PLIN4: variants seen among roughly 807,000 people sequenced by gnomAD.
PLIN4 encodes perilipin 4, also known as perilipin-4.
In PLIN4, 57 loss-of-function variants were observed where a neutral mutation model predicts 52.4. The ratio of observed to expected loss-of-function variants is 1.09; its 90% confidence interval spans 0.88 to 1.36. The LOEUF (loss-of-function observed/expected upper bound fraction) is 1.36, where lower values mean the gene tolerates loss of function less well. PLIN4 is among the 40% of genes most tolerant of loss of function. PLIN4 has a pLI of 0.00. For missense variants in PLIN4, 1,757 were observed against 1,770.3 expected (o/e 0.99, Z 0.13); for synonymous variants, 826 against 785.4 (o/e 1.05, Z -0.86).
Position 4,510,921 on chromosome 19 carries a change from CT to C in PLIN4, c.3038del (p.Gln1013ArgfsTer11), listed in dbSNP as rs757945762. ...CTGTCTTGGTGGTGTCCAGGCCCCCCTGGACGGCCCCTTTGGCCATGCTCAT... is the reference window on the plus strand; with the variant it reads ...CTGTCTTGGTGGTGTCCAGGCCCCCCGGACGGCCCCTTTGGCCATGCTCAT... ...GAMSMAKGAV[Q>X]GGLDTTKTVL... is the part of the protein sequence containing the mutation. On this transcript the variant is annotated frameshift_variant, in exon 5 of 8. Transcript: ENST00000301286. LOFTEE classifies it high-confidence loss of function. 6.8e-6 allele frequency: 11 copies of C among 1,613,546 alleles called. No homozygotes were observed. Among genetic ancestry groups the C allele is most frequent in the African/African-American group, 6.7e-5 (5 of 74,942 alleles).
At chr19:4,509,581 G>A (rs999156640) in intron 5 of PLIN4, among the ~76,000 whole-genome samples, 2 of 152,060 alleles carry the variant, frequency 1.3e-5, no homozygotes, top group Non-Finnish European at 2.9e-5. Context: ...TGCTGACACT[G>A]CCACTGGACT....
chr19:4,513,802 ACTG>A, intron 4 of PLIN4, 101 bp from the exon 5 acceptor site: 1 of 1,397,188 alleles, frequency 7.2e-7, no homozygotes, highest in African/African-American at 1.4e-5. Context: ...GGGGCAAGGA[ACTG>A]CAGGCACCCA....
At chr19:4,508,993 C>T in intron 5 of PLIN4, 38 bp from the exon 6 acceptor site, 1 of 1,573,616 alleles carries the variant, frequency 6.4e-7, no homozygotes, top group Non-Finnish European at 8.6e-7. Context: ...CCGGAAGCCC[C>T]TCAGGGCATC....
rs757300427 is a variant in PLIN4, at chr19:4,518,319, G to A, written c.-17-30C>T. ...AAGGGGGCAGAGAAGGTGCGTGAAT[G>A]GGGGTTCCCTAGCCTCCCATCCCAC... On this transcript the variant is annotated intron_variant, in intron 1 of 7. Transcript: ENST00000301286. The A allele has an allele frequency of 1.7e-3, 2,098 of 1,232,556 alleles. 3 individuals carry two copies. The highest frequency in any genetic ancestry group is 2.0e-3 in the Non-Finnish European group (2,015 of 988,372). The allele number at this position is 1,232,556 out of a possible 1,614,324, so 76.4% of individuals were successfully genotyped here.
chr19:4,517,845 A>G (rs1976631760), intron 2 of PLIN4, 147 bp from the exon 3 acceptor site: 1 of 1,057,484 alleles, frequency 9.5e-7, no homozygotes, highest in Non-Finnish European at 1.3e-6. Flanking sequence ...CTCAGCCTCA[A>G]TTTCCACACC....
At chr19:4,505,710 G>A (rs537471899) in intron 6 of PLIN4, among the ~76,000 whole-genome samples, 122 of 152,228 alleles carry the variant, frequency 8.0e-4, no homozygotes, top group South Asian at 2.7e-3. Flanking sequence ...GCGGCACGCC[G>A]TCAAAATATC....
rs757997921 is a variant in PLIN4 at position 4,516,604 on chromosome 19, C to T, written c.258+13G>A. 2 of 1,599,790 alleles carry T rather than the reference C, an allele frequency of 1.3e-6. No homozygotes were observed. The highest frequency in any genetic ancestry group is 1.7e-6 in the Non-Finnish European group (2 of 1,173,362). On this transcript the variant is annotated intron_variant, in intron 4 of 7. Coordinates refer to ENST00000301286, the MANE Select transcript of PLIN4 (RefSeq NM_001367868.2). The stretch of plus-strand genomic sequence containing the variant: ...TCCTGCCACATCAGACCCTGCCCTG[C>T]ACATCCTCTCACCTTTTCCGAAGGT...
chr19:4,511,615 T>C lies in PLIN4; in HGVS notation c.2345A>G (p.Gln782Arg), dbSNP rs1225400800. 2 of 1,179,994 alleles carry C rather than the reference T, an allele frequency of 1.7e-6. No individual in the cohort carries two copies. The highest frequency in any genetic ancestry group is 4.4e-5 in the Admixed American group (2 of 45,218). The allele number at this position is 1,179,994 out of a possible 1,614,324, so 73.1% of individuals were successfully genotyped here. Reference sequence around the variant, plus strand: ...AGTCTTGGTGGTGTCCATGCCGGTCTGGACAGTCCCTTTGGCCAACTTCAC... The same window carrying C: ...AGTCTTGGTGGTGTCCATGCCGGTCCGGACAGTCCCTTTGGCCAACTTCAC... ...GAVKLAKGTVQTGMDTTKTVL... is the reference protein window; with the variant it reads ...GAVKLAKGTVRTGMDTTKTVL... The change falls in exon 5 of 8, where the codon CAG (glutamine) becomes CGG (arginine). Residue 782 changes from glutamine to arginine, a missense_variant. By Grantham distance (43) the Gln-to-Arg change is conservative. Around this residue, in one of 7 missense-constraint regions of PLIN4, gnomAD observed 96 missense variants for 136.5 expected, o/e 0.70. Coordinates refer to ENST00000301286, the MANE Select transcript of PLIN4 (RefSeq NM_001367868.2).
chr19:4,509,316 A>AAAAAAAAAAAAAAAAACAAACAAACAAAC (rs764523711), intron 5 of PLIN4, among the ~76,000 whole-genome samples: 1 of 111,810 alleles, frequency 8.9e-6, no homozygotes, highest in African/African-American at 3.1e-5. Context: ...GTCTCAAAAA[A>AAAAAAAAAAAAAAAAACAAACAAACAAAC]AAAAAAAAAG....
intron 6 of PLIN4, among the ~76,000 whole-genome samples, chr19:4,507,502 G>A (rs985613062): frequency 6.6e-6 from 1 of 152,152 alleles, no homozygotes; most frequent in Non-Finnish European, 1.5e-5. Flanking sequence ...GGGCAACATA[G>A]CAAAATCTAA....
At chr19:4,518,335 C>T in intron 1 of PLIN4, 46 bp from the exon 2 acceptor site, 2 of 1,231,990 alleles carry the variant, frequency 1.6e-6, no homozygotes, top group Non-Finnish European at 2.0e-6. Flanking sequence ...TCCCTAGCCT[C>T]CCATCCCACA....
rs771364690 is a variant in PLIN4 at position 4,511,252 on chromosome 19, G to C, written c.2708C>G (p.Thr903Arg). Reference protein sequence around the residue: ...GTKDAVSTGLTGAVNLAKGTV... With the variant: ...GTKDAVSTGLRGAVNLAKGTV... ...CCCTTTGGCCAAGTTCACAGCCCCT[G>C]TGAGCCCAGTGGACACGGCATCTTT... The change falls in exon 5 of 8, where the codon ACA (threonine) becomes AGA (arginine). Residue 903 changes from threonine to arginine, a missense_variant. This residue lies in a region of PLIN4 where 712 missense variants were observed against 637.1 expected (regional missense o/e 1.12). Coordinates refer to ENST00000301286, the MANE Select transcript of PLIN4 (RefSeq NM_001367868.2). The C allele has an allele frequency of 1.1e-5, 17 of 1,610,784 alleles. No homozygotes were observed. The highest frequency in any genetic ancestry group is 1.4e-5 in the Non-Finnish European group (16 of 1,178,084).
In PLIN4 at chr19:4,508,759, A is replaced by G. The variant is rs780308280; in HGVS notation, c.3702+9T>C. On this transcript the variant is annotated intron_variant, in intron 6 of 7. Transcript: ENST00000301286. The stretch of plus-strand genomic sequence containing the variant: ...TGGGGACGGGGCAGCAGCAGGGGGA[A>G]GCTCTTACCAGCCTGAAGCAGTCCT... 1.3e-6 allele frequency: 2 copies of G among 1,569,320 alleles called. No homozygotes were observed. Among genetic ancestry groups the G allele is most frequent in the Non-Finnish European group, 1.7e-6 (2 of 1,157,854 alleles).
At position 4,511,325 on chromosome 19, in the gene PLIN4, C is replaced by T. The variant is rs1976319379; in HGVS notation, c.2635G>A (p.Ala879Thr). The T allele has an allele frequency of 6.2e-7, 1 of 1,606,916 alleles. No homozygotes were observed. The highest frequency in any genetic ancestry group is 8.5e-7 in the Non-Finnish European group (1 of 1,176,538). The change falls in exon 5 of 8, where the codon GCC becomes ACC. Residue 879 changes from alanine to threonine, a missense_variant. Transcript: ENST00000301286. Reference sequence around the variant, plus strand: ...GTAGTGTCCAGGCCCCCCTGGACGGCCCCTTTGGCCACTTTCGCAGCACCG... The same window carrying T: ...GTAGTGTCCAGGCCCCCCTGGACGGTCCCTTTGGCCACTTTCGCAGCACCG... ...VTGAAKVAKG[A>T]VQGGLDTTKS...
rs1483739538 is a variant in PLIN4, at chr19:4,511,309, A to G, written c.2651T>C (p.Leu884Pro). 6.2e-7 allele frequency: 1 copy of G among 1,610,586 alleles called. No individual in the cohort carries two copies. Among genetic ancestry groups the G allele is most frequent in the African/African-American group, 1.3e-5 (1 of 74,180 alleles). ...KVAKGAVQGG[L>P]DTTKSVLTGT... is the part of the protein sequence containing the mutation. ...AGTCAGGACAGACTTTGTAGTGTCC[A>G]GGCCCCCCTGGACGGCCCCTTTGGC... Residue 884 changes from leucine to proline, a missense_variant, in exon 5 of 8, where the codon CTG (leucine) becomes CCG (proline). Physicochemically the swap from Leu to Pro is moderately conservative, Grantham distance 98. Transcript: ENST00000301286.
In PLIN4 at chr19:4,504,216, C is replaced by T. The variant is rs1006114526; in HGVS notation, c.*243G>A. On this transcript the variant is annotated 3_prime_UTR_variant, in exon 8 of 8. Transcript: ENST00000301286. The stretch of plus-strand genomic sequence containing the variant: ...TGGTGGTCTGAGTGACCCCAGGCTC[C>T]GAGAGGGGCAGGCAGCGCTGGGGAG... 1.1e-4 allele frequency: 48 copies of T among 446,280 alleles called. No homozygotes were observed. Among genetic ancestry groups the T allele is most frequent in the South Asian group, 3.4e-4 (6 of 17,472 alleles). 27.6% of individuals were successfully genotyped at this position (446,280 alleles called of 1,614,324 possible).
Position 4,518,124 on chromosome 19 carries a change from T to C in PLIN4, c.51+98A>G, listed in dbSNP as rs549514354. 9.6e-6 allele frequency: 10 copies of C among 1,046,000 alleles called. 1 individual carries two copies. The South Asian group carries it at 4.4e-4, about 46-fold the overall frequency. 64.8% of individuals were successfully genotyped at this position (1,046,000 alleles called of 1,614,324 possible). Reference sequence around the variant, plus strand: ...CCCACCAGCCCACCAGGGAAGCACCTCTCCAGATTCGAGACCCCAGGACTG... The same window carrying C: ...CCCACCAGCCCACCAGGGAAGCACCCCTCCAGATTCGAGACCCCAGGACTG... On this transcript the variant is annotated intron_variant, in intron 2 of 7. Coordinates refer to ENST00000301286, the MANE Select transcript of PLIN4 (RefSeq NM_001367868.2).
At chr19:4,505,059 GC>G in intron 6 of PLIN4, 112 bp from the exon 7 acceptor site, 1 of 990,648 alleles carries the variant, frequency 1.0e-6, no homozygotes, top group Non-Finnish European at 1.5e-6. Context: ...TGGGAGAAAG[GC>G]CACGAGTTCC....
chr19:4,504,265 C>G lies in PLIN4; in HGVS notation c.*194G>C, dbSNP rs1191215496. On this transcript the variant is annotated 3_prime_UTR_variant, in exon 8 of 8. Coordinates refer to ENST00000301286, the MANE Select transcript of PLIN4 (RefSeq NM_001367868.2). The stretch of plus-strand genomic sequence containing the variant: ...AGGAGGTGGGAGATGCAGGCAGGCC[C>G]GGAGCAGGGCGTGGGGTGGCTCAGT... 3.6e-6 allele frequency: 2 copies of G among 551,310 alleles called. No individual in the cohort carries two copies. The highest frequency in any genetic ancestry group is 3.5e-5 in the Admixed American group (1 of 28,274). 34.2% of individuals were successfully genotyped at this position (551,310 alleles called of 1,614,324 possible).
Sources: gnomAD v4.1 joint callset for allele counts (sites outside exome capture counted in the v4.1 genomes callset) on GRCh38, gnomAD v4.1.1 for gene constraint, gnomAD v4.1.1 regional missense constraint, MANE v1.5 for transcripts, NCBI Gene and HGNC (gene_info 2026-07-23, HGNC 2026-07-21) for gene names.